GLIS3: variants seen among roughly 807,000 people sequenced by gnomAD.
GLIS3 encodes the protein GLIS family zinc finger 3.
GLIS3 carries 53 observed loss-of-function variants against 78.6 expected under a neutral mutation model. That is an observed-to-expected ratio of 0.67 (90% confidence interval 0.54 to 0.85). The LOEUF (loss-of-function observed/expected upper bound fraction) is 0.85. Among genes scored for constraint, GLIS3 ranks in the 40% least tolerant of loss-of-function variants. The pLI, the probability that GLIS3 is intolerant of heterozygous loss-of-function variation, is 0.00. For synonymous variants in GLIS3, 684 were observed against 509.9 expected (o/e 1.34, Z -4.60); for missense variants, 1,703 against 1,231.1 (o/e 1.38, Z -5.74).
chr9:4,186,104 C>G (rs1171281605), intron 2 of GLIS3, among the ~76,000 whole-genome samples: 1 of 150,786 alleles, frequency 6.6e-6, no homozygotes, highest in African/African-American at 2.4e-5. Context: ...CACACATTAA[C>G]TCGTCATTTA....
At chr9:4,088,849 A>G (rs1453382911) in intron 4 of GLIS3, among the ~76,000 whole-genome samples, 1 of 152,240 alleles carries the variant, frequency 6.6e-6, no homozygotes, top group African/African-American at 2.4e-5. Context: ...TCAAAAGTTG[A>G]GATACTTCAC....
chr9:3,863,973 A>G (rs1481215251), intron 8 of GLIS3, among the ~76,000 whole-genome samples: 1 of 152,166 alleles, frequency 6.6e-6, no homozygotes, highest in Non-Finnish European at 1.5e-5. Flanking sequence ...GTTTTCTGGA[A>G]TATCCTGACT....
chr9:4,046,005 T>G (rs1825219773), intron 4 of GLIS3, among the ~76,000 whole-genome samples: 1 of 152,064 alleles, frequency 6.6e-6, no homozygotes, highest in Non-Finnish European at 1.5e-5. Context: ...GAACAAAAAG[T>G]GCAACTGCCA....
chr9:3,976,819 A>ATCCCC (rs1243779152), intron 4 of GLIS3, among the ~76,000 whole-genome samples: 1 of 98,868 alleles, frequency 1.0e-5, no homozygotes, highest in African/African-American at 3.5e-5. Context: ...AAAAAAAAAA[A>ATCCCC]AAAAAAAAAA....
chr9:4,316,168 C>G (rs80025231), intron 2 of GLIS3, among the ~76,000 whole-genome samples: 220 of 152,244 alleles, frequency 1.4e-3, no homozygotes, highest in Non-Finnish European at 2.6e-3. Context: ...AAAGATTTCT[C>G]CACCTTTTTC....
At chr9:4,278,551 A>C (rs1827232317) in intron 2 of GLIS3, among the ~76,000 whole-genome samples, 1 of 152,222 alleles carries the variant, frequency 6.6e-6, no homozygotes, top group Non-Finnish European at 1.5e-5. Flanking sequence ...AAAAAAATCC[A>C]TGAGTGATTC....
intron 6 of GLIS3, among the ~76,000 whole-genome samples, chr9:3,903,709 T>TAAAC (rs1335727049): frequency 6.6e-6 from 1 of 151,996 alleles, no homozygotes; most frequent in African/African-American, 2.4e-5. Flanking sequence ...AGTCAGATAA[T>TAAAC]AAACAGTAAA....
chr9:4,476,076 G>C, the GLIS3 span, among the ~76,000 whole-genome samples: 3 of 151,982 alleles, frequency 2.0e-5, no homozygotes, highest in Admixed American at 6.6e-5. Context: ...AGTTTTGAGT[G>C]AACTATGTAA....
intron 2 of GLIS3, among the ~76,000 whole-genome samples, chr9:4,281,267 A>G (rs1391411001): frequency 6.6e-6 from 1 of 152,214 alleles, no homozygotes; most frequent in Non-Finnish European, 1.5e-5. Context: ...CTCTTTTAAA[A>G]TTGTGGTAAA....
At position 4,330,515 on chromosome 9, in the gene GLIS3, C is replaced by T. The variant is rs562654640; in HGVS notation, n.264+16566G>A. On this transcript the variant is annotated intron_variant and non_coding_transcript_variant, in intron 2 of 4. Coordinates refer to the GLIS3 transcript ENST00000471664. ...AGATCCCAGAGAAATTAAACAACCTCCACTTAGGTGGAGGGAGATGAAGGG... is the reference window on the plus strand; with the variant it reads ...AGATCCCAGAGAAATTAAACAACCTTCACTTAGGTGGAGGGAGATGAAGGG... Among the ~76,000 whole-genome samples, 12 of 152,162 alleles carry T rather than the reference C, an allele frequency of 7.9e-5. No individual in the cohort carries two copies. In the South Asian group the frequency reaches 2.5e-3, roughly 32 times the overall value.
chr9:3,962,407 T>C (rs1817627846), intron 4 of GLIS3, among the ~76,000 whole-genome samples: 1 of 152,156 alleles, frequency 6.6e-6, no homozygotes, highest in African/African-American at 2.4e-5. Context: ...TAGAAATACC[T>C]GGTGCCCACA....
chr9:4,343,205 G>C (rs930964461), intron 2 of GLIS3, among the ~76,000 whole-genome samples: 1 of 152,048 alleles, frequency 6.6e-6, no homozygotes, highest in Non-Finnish European at 1.5e-5. Context: ...AGTCAGGCAC[G>C]GTGGCACACC....
At chr9:4,274,881 G>C (rs1046694356) in intron 2 of GLIS3, among the ~76,000 whole-genome samples, 3 of 152,126 alleles carry the variant, frequency 2.0e-5, no homozygotes, top group African/African-American at 7.2e-5. Context: ...TAAAACTGCT[G>C]GTCCTCAAAT....
chr9:4,377,427 C>G, the GLIS3 span, among the ~76,000 whole-genome samples: 1 of 135,824 alleles, frequency 7.4e-6, no homozygotes, highest in East Asian at 2.2e-4. Context: ...TGGGGGCTCT[C>G]AGGCCTTTGG....
At chr9:4,139,062 C>T (rs952529811) in intron 2 of GLIS3, among the ~76,000 whole-genome samples, 5 of 152,074 alleles carry the variant, frequency 3.3e-5, no homozygotes, top group African/African-American at 9.7e-5. Flanking sequence ...GAAGAGCAAA[C>T]GGAGCAAACA....
the GLIS3 span, among the ~76,000 whole-genome samples, chr9:4,375,173 G>A: frequency 1.3e-5 from 2 of 152,128 alleles, no homozygotes; most frequent in African/African-American, 4.8e-5. Flanking sequence ...CAGGAGTGCT[G>A]ACCTCCTATA....
intron 4 of GLIS3, among the ~76,000 whole-genome samples, chr9:4,029,030 G>A (rs1331603969): frequency 2.0e-5 from 3 of 152,112 alleles, no homozygotes; most frequent in Non-Finnish European, 4.4e-5. Flanking sequence ...TGATGATGAA[G>A]AAGGAGGTGT....
At chr9:4,325,198 T>A (rs1177339788) in intron 2 of GLIS3, among the ~76,000 whole-genome samples, 1 of 152,226 alleles carries the variant, frequency 6.6e-6, no homozygotes, top group Non-Finnish European at 1.5e-5. Context: ...TTTTCCAAGC[T>A]GCAAATACAA....
intron 6 of GLIS3, among the ~76,000 whole-genome samples, chr9:3,925,177 A>C (rs952384370): frequency 1.3e-4 from 20 of 152,216 alleles, no homozygotes; most frequent in Non-Finnish European, 2.9e-5. Flanking sequence ...TCAGACAGTA[A>C]ATATAAGACT....
Sources: allele counts gnomAD v4.1 joint callset (sites outside exome capture counted in the v4.1 genomes callset), GRCh38; gene constraint gnomAD v4.1.1; transcripts MANE v1.5; gene names NCBI Gene and HGNC (gene_info 2026-07-23, HGNC 2026-07-21).